The following PDGFRL variants were observed in gnomAD, a reference collection of about 807,000 sequenced individuals.
PDGFRL encodes the protein platelet-derived growth factor receptor-like protein.
In PDGFRL, 46 loss-of-function variants were observed where a neutral mutation model predicts 37.2. That is an observed-to-expected ratio of 1.24 (90% confidence interval 0.98 to 1.58). The LOEUF (loss-of-function observed/expected upper bound fraction) is 1.58, where lower values mean the gene tolerates loss of function less well. Among genes scored for constraint, PDGFRL ranks in the 40% most tolerant of loss-of-function variants. The pLI is 0.00. For synonymous variants in PDGFRL, 251 were observed against 184.3 expected, an observed-to-expected ratio of 1.36 and a Z score of -2.93; for missense variants, 692 against 467.6, an observed-to-expected ratio of 1.48 and a Z score of -4.43.
At chr8:17,624,642 C>T (rs550555044) in intron 3 of PDGFRL, among the ~76,000 whole-genome samples, 4 of 152,186 alleles carry the variant, frequency 2.6e-5, no homozygotes, top group Admixed American at 6.5e-5. Flanking sequence ...TGCAGTGGCT[C>T]ATGCCTATAA....
chr8:17,593,621 A>G (rs1477640140), intron 2 of PDGFRL, among the ~76,000 whole-genome samples: 1 of 151,318 alleles, frequency 6.6e-6, no homozygotes, highest in African/African-American at 2.4e-5. Flanking sequence ...AATTCTTGGC[A>G]TAGTGACTCA....
intron 2 of PDGFRL, chr8:17,596,229 C>G: frequency 1.7e-6 from 1 of 592,766 alleles, no homozygotes; most frequent in Non-Finnish European, 2.5e-6. Context: ...GTGACTCTGA[C>G]CGGGCTGGGG....
intron 2 of PDGFRL, among the ~76,000 whole-genome samples, chr8:17,591,798 C>T (rs1016238736): frequency 1.3e-5 from 2 of 152,116 alleles, no homozygotes; most frequent in African/African-American, 4.8e-5. Flanking sequence ...TCTCTAGTCC[C>T]AGCTACTCGG....
chr8:17,599,783 A>C (rs920909389), intron 2 of PDGFRL, among the ~76,000 whole-genome samples: 2 of 152,082 alleles, frequency 1.3e-5, no homozygotes, highest in Non-Finnish European at 2.9e-5. Flanking sequence ...AGCTCTAATC[A>C]CCTTAAGTTT....
chr8:17,577,182 C>G, upstream of PDGFRL: 1 of 1,563,504 alleles, frequency 6.4e-7, no homozygotes, highest in Non-Finnish European at 8.7e-7. Context: ...GCCCCTCGCC[C>G]GCCGCCTCCC....
At chr8:17,607,075 G>C (rs1318458881) in intron 2 of PDGFRL, among the ~76,000 whole-genome samples, 1 of 151,546 alleles carries the variant, frequency 6.6e-6, no homozygotes, top group Admixed American at 6.6e-5. Context: ...TTTGTATTTT[G>C]ATTGGAAATG....
intron 2 of PDGFRL, among the ~76,000 whole-genome samples, chr8:17,595,413 A>G (rs1476405333): frequency 6.6e-6 from 1 of 152,162 alleles, no homozygotes; most frequent in Non-Finnish European, 1.5e-5. Flanking sequence ...GTTCTCGGGT[A>G]GGGGCCATGC....
In PDGFRL at chr8:17,577,267, G is replaced by A; in HGVS notation, c.15G>A (p.Leu5=). 1 of 1,612,972 alleles carries A rather than the reference G, an allele frequency of 6.2e-7. No individual in the cohort carries two copies. The highest frequency in any genetic ancestry group is 1.3e-5 in the African/African-American group (1 of 74,946). MKVW[L]LLGLLLVHEA... is the part of the protein sequence containing the mutation. Reference sequence around the variant, plus strand: ...AGGTTCCCGAGATGAAGGTCTGGCTGCTGCTTGGTCTTCTGCTGGTGCACG... The same window carrying A: ...AGGTTCCCGAGATGAAGGTCTGGCTACTGCTTGGTCTTCTGCTGGTGCACG... Residue 5 remains leucine, a synonymous_variant, in exon 1 of 6, where the codon CTG becomes CTA. Coordinates refer to ENST00000251630, the MANE Select transcript of PDGFRL (RefSeq NM_001372073.1).
chr8:17,634,475 A>T (rs1167097113), intron 5 of PDGFRL, among the ~76,000 whole-genome samples: 1 of 151,298 alleles, frequency 6.6e-6, no homozygotes, highest in Non-Finnish European at 1.5e-5. Context: ...CCCTCTTCAT[A>T]TGCAGGTTTT....
intron 5 of PDGFRL, among the ~76,000 whole-genome samples, chr8:17,635,200 C>A (rs1350205426): frequency 1.3e-5 from 2 of 152,046 alleles, no homozygotes; most frequent in Non-Finnish European, 2.9e-5. Flanking sequence ...TGAATAAGTT[C>A]CTTAGATGAT....
Position 17,633,985 on chromosome 8 carries a change from T to C in PDGFRL, c.800-89T>C. On this transcript the variant is annotated intron_variant, in intron 4 of 5. Coordinates refer to ENST00000251630, the MANE Select transcript of PDGFRL (RefSeq NM_001372073.1). ...GCTGTGAGAAAGGCAGAAAATTCCA[T>C]CTCTCTCCATGGAAAAGAATGCATC... 6 of 1,309,840 alleles carry C rather than the reference T, an allele frequency of 4.6e-6. No individual in the cohort carries two copies. In the South Asian group the frequency reaches 7.1e-5, roughly 16 times the overall value. The allele number at this position is 1,309,840 out of a possible 1,614,324, so 81.1% of individuals were successfully genotyped here.
intron 2 of PDGFRL, among the ~76,000 whole-genome samples, chr8:17,615,848 G>A (rs186681860): frequency 2.0e-5 from 3 of 152,362 alleles, no homozygotes; most frequent in East Asian, 3.9e-4. Flanking sequence ...GTTTGAGGCT[G>A]TAGTGAGCTA....
chr8:17,616,752 T>TA (rs1200940513), intron 2 of PDGFRL, among the ~76,000 whole-genome samples: 2 of 152,154 alleles, frequency 1.3e-5, no homozygotes, highest in East Asian at 3.9e-4. Context: ...GGGACTTCTC[T>TA]AGACATCATT....
intron 2 of PDGFRL, among the ~76,000 whole-genome samples, chr8:17,590,080 A>T (rs1803902546): frequency 6.6e-6 from 1 of 150,806 alleles, no homozygotes; most frequent in South Asian, 2.1e-4. Context: ...AAATACAGAA[A>T]ATTAGCTGGG....
At chr8:17,577,149 C>A, upstream of PDGFRL, 1 of 1,498,612 alleles carries the variant, frequency 6.7e-7, no homozygotes, top group Non-Finnish European at 9.0e-7. Flanking sequence ...CCGAATCCTC[C>A]CGCTTCGGCG....
chr8:17,579,978 C>T (rs1428673313), intron 1 of PDGFRL, among the ~76,000 whole-genome samples: 2 of 152,158 alleles, frequency 1.3e-5, no homozygotes, highest in African/African-American at 4.8e-5. Context: ...TAATAGGGTG[C>T]TTCTATTTTC....
intron 2 of PDGFRL, among the ~76,000 whole-genome samples, chr8:17,590,335 A>G (rs968816392): frequency 6.6e-6 from 1 of 151,670 alleles, no homozygotes; most frequent in African/African-American, 2.4e-5. Flanking sequence ...ACAATTTTCT[A>G]TGAAAATGTA....
At chr8:17,600,252 A>G (rs1403543241) in intron 2 of PDGFRL, among the ~76,000 whole-genome samples, 2 of 151,952 alleles carry the variant, frequency 1.3e-5, no homozygotes, top group Non-Finnish European at 2.9e-5. Context: ...TCCTGCACCA[A>G]CTCCATTTAG....
chr8:17,596,217 G>C, intron 2 of PDGFRL: 1 of 511,460 alleles, frequency 2.0e-6, no homozygotes, highest in Non-Finnish European at 3.0e-6. Context: ...ACTGAGCCCC[G>C]TGTGACTCTG....
Sources: gnomAD v4.1 joint callset for allele counts (sites outside exome capture counted in the v4.1 genomes callset) on GRCh38, gnomAD v4.1.1 for gene constraint, MANE v1.5 for transcripts, NCBI Gene and HGNC (gene_info 2026-07-23, HGNC 2026-07-21) for gene names.